The following GALNT13 variants were observed in gnomAD, a reference collection of about 807,000 sequenced individuals.
GALNT13 encodes polypeptide N-acetylgalactosaminyltransferase 13.
GALNT13 carries 28 observed loss-of-function variants against 64.2 expected under a neutral mutation model. That is an observed-to-expected ratio of 0.44 (90% CI 0.32 to 0.60). The LOEUF is 0.60. Among genes scored for constraint, GALNT13 ranks in the 20% least tolerant of loss-of-function variants. The pLI is 0.05. For synonymous variants in GALNT13, 214 were observed against 224.6 expected (o/e 0.95, Z 0.42); for missense variants, 577 against 669.8 (o/e 0.86, Z 1.53).
intron 3 of GALNT13, among the ~76,000 whole-genome samples, chr2:154,104,391 C>T (rs558794121): frequency 2.8e-4 from 43 of 152,096 alleles, no homozygotes; most frequent in Non-Finnish European, 6.2e-4. Context: ...GCACAGGCAG[C>T]GGACACACTT....
At chr2:153,324,796 A>G in the GALNT13 span, among the ~76,000 whole-genome samples, 4 of 152,274 alleles carry the variant, frequency 2.6e-5, no homozygotes, top group Admixed American at 1.3e-4. Context: ...ATTGATTTGC[A>G]TATGTTGAAG....
chr2:153,403,375 CTT>C, the GALNT13 span, among the ~76,000 whole-genome samples: 2 of 152,238 alleles, frequency 1.3e-5, no homozygotes, highest in Non-Finnish European at 2.9e-5. Flanking sequence ...TTACTGCTGT[CTT>C]TTTGTTTGTC....
intron 4 of GALNT13, among the ~76,000 whole-genome samples, chr2:154,175,369 A>G (rs1014450883): frequency 2.0e-5 from 3 of 152,210 alleles, no homozygotes; most frequent in African/African-American, 7.2e-5. Context: ...GACACTTTCA[A>G]TGTAATGAGA....
chr2:153,559,344 T>G, the GALNT13 span, among the ~76,000 whole-genome samples: 1 of 152,164 alleles, frequency 6.6e-6, no homozygotes, highest in Admixed American at 6.5e-5. Flanking sequence ...GGTCTCCCCT[T>G]CTATTTTTCA....
chr2:153,175,146 T>C, the GALNT13 span, among the ~76,000 whole-genome samples: 1 of 152,168 alleles, frequency 6.6e-6, no homozygotes, highest in Non-Finnish European at 1.5e-5. Flanking sequence ...ATGACCTAAA[T>C]TTAGCTATGT....
the GALNT13 span, among the ~76,000 whole-genome samples, chr2:153,809,872 C>T: frequency 1.3e-5 from 2 of 152,216 alleles, no homozygotes; most frequent in African/African-American, 2.4e-5. Flanking sequence ...GTCTCTCAAC[C>T]CCTATTTTCT....
Position 153,968,521 on chromosome 2 carries a change from A to G in GALNT13, c.142+23882A>G, listed in dbSNP as rs549465992. ...CTTCAATGCCTTTTTCTTTGTTGCT[A>G]TGTTGAACCTAGGTATGTGGTCCTT... On this transcript the variant is annotated intron_variant, in intron 3 of 12. Coordinates refer to ENST00000392825, the MANE Select transcript of GALNT13 (RefSeq NM_052917.4). 8.5e-5 allele frequency among the ~76,000 whole-genome samples: 13 copies of G among 152,242 alleles called. No homozygotes were observed. In the South Asian group the frequency reaches 2.5e-3, roughly 29 times the overall value.
chr2:153,930,045 T>G (rs569904763), intron 2 of GALNT13, among the ~76,000 whole-genome samples: 27 of 152,244 alleles, frequency 1.8e-4, no homozygotes, highest in African/African-American at 6.5e-4. Context: ...TTCTGACTGG[T>G]GTAAGGTGGT....
chr2:153,436,853 C>T, the GALNT13 span, among the ~76,000 whole-genome samples: 1 of 152,142 alleles, frequency 6.6e-6, no homozygotes, highest in African/African-American at 2.4e-5. Context: ...TTAGTTACTT[C>T]TTGCCTTCTG....
the GALNT13 span, among the ~76,000 whole-genome samples, chr2:153,293,577 GT>G: frequency 6.6e-6 from 1 of 152,104 alleles, no homozygotes; most frequent in Non-Finnish European, 1.5e-5. Context: ...AGTCAAACCC[GT>G]TTTGGACTTC....
intron 8 of GALNT13, chr2:154,286,454 G>T (rs892635009): frequency 6.5e-6 from 1 of 152,848 alleles, no homozygotes; most frequent in Non-Finnish European, 1.5e-5. Context: ...TCTTCATTTT[G>T]TTAGACATGC....
the GALNT13 span, among the ~76,000 whole-genome samples, chr2:153,815,297 A>G: frequency 6.6e-6 from 1 of 152,244 alleles, no homozygotes; most frequent in Admixed American, 6.5e-5. Context: ...AAAATCTTTA[A>G]ATTTTGTTCA....
chr2:153,778,735 T>G, the GALNT13 span, among the ~76,000 whole-genome samples: 1 of 152,226 alleles, frequency 6.6e-6, no homozygotes, highest in African/African-American at 2.4e-5. Flanking sequence ...ACTTCTAAAC[T>G]TTTTAAAAAA....
At chr2:153,186,055 G>T in the GALNT13 span, among the ~76,000 whole-genome samples, 6,165 of 151,910 alleles carry the variant, frequency 0.041, 447 homozygotes, top group African/African-American at 0.14. Context: ...ATTGCCAGTG[G>T]GGTGTTAAAG....
chr2:153,348,556 T>C, the GALNT13 span, among the ~76,000 whole-genome samples: 1 of 152,226 alleles, frequency 6.6e-6, no homozygotes, highest in South Asian at 2.1e-4. Context: ...ACATTAATTC[T>C]GTAAGATAAA....
chr2:153,171,660 T>C, the GALNT13 span, among the ~76,000 whole-genome samples: 3 of 152,276 alleles, frequency 2.0e-5, no homozygotes, highest in East Asian at 3.9e-4. Context: ...CTGTGACACC[T>C]AGAATCTGGC....
At chr2:153,181,317 T>C in the GALNT13 span, among the ~76,000 whole-genome samples, 32 of 151,152 alleles carry the variant, frequency 2.1e-4, no homozygotes, top group Non-Finnish European at 4.6e-4. Context: ...TTTTTTGACG[T>C]TTTACTTATT....
chr2:153,642,768 G>C, the GALNT13 span, among the ~76,000 whole-genome samples: 1 of 151,734 alleles, frequency 6.6e-6, no homozygotes, highest in Admixed American at 6.6e-5. Flanking sequence ...CACAATTAAA[G>C]CACATCTCAT....
chr2:154,145,027 A>G lies in GALNT13; in HGVS notation c.311+4522A>G, dbSNP rs1045925160. On this transcript the variant is annotated intron_variant, in intron 4 of 12. Transcript: ENST00000392825. ...TGTTTTACCTTCTTGAAGGCCCTTCATTCCTGGGATATTTATGTAGTTCTC... is the reference window on the plus strand; with the variant it reads ...TGTTTTACCTTCTTGAAGGCCCTTCGTTCCTGGGATATTTATGTAGTTCTC... Among the ~76,000 whole-genome samples, 3 of 141,942 alleles carry G rather than the reference A, an allele frequency of 2.1e-5. No homozygotes were observed. In the Admixed American group the frequency reaches 2.1e-4, roughly 10 times the overall value. The allele number at this position is 141,942 out of a possible 152,430, so 93.1% of individuals were successfully genotyped here.
Sources: gnomAD v4.1 joint callset for allele counts (sites outside exome capture counted in the v4.1 genomes callset) on GRCh38, gnomAD v4.1.1 for gene constraint, MANE v1.5 for transcripts, NCBI Gene and HGNC (gene_info 2026-07-23, HGNC 2026-07-21) for gene names.